The following NCKAP5 variants were observed in gnomAD, a reference collection of about 807,000 sequenced individuals.
The protein encoded by NCKAP5 is nck-associated protein 5.
A neutral mutation model predicts 167.0 loss-of-function variants in NCKAP5; 92 were observed. That is an observed-to-expected ratio of 0.55 (90% CI 0.47 to 0.66). NCKAP5 has a LOEUF of 0.66. Ranked by LOEUF, NCKAP5 falls within the 30% of genes least tolerant of loss-of-function variation. NCKAP5 has a pLI of 0.00. For missense variants in NCKAP5, 2,378 were observed against 2,315.0 expected (o/e 1.03, Z -0.56); for synonymous variants, 891 against 877.4 (o/e 1.02, Z -0.27).
intron 4 of NCKAP5, among the ~76,000 whole-genome samples, chr2:133,216,962 C>T (rs1458273731): frequency 1.3e-5 from 2 of 152,086 alleles, no homozygotes; most frequent in African/African-American, 4.8e-5. Context: ...TAAAAACCAA[C>T]TGGCTCATGT....
intron 5 of NCKAP5, among the ~76,000 whole-genome samples, chr2:133,189,482 A>C (rs1428054584): frequency 6.6e-6 from 1 of 152,192 alleles, no homozygotes; most frequent in African/African-American, 2.4e-5. Context: ...ACACAACAAA[A>C]AAAGAGAATT....
chr2:133,055,466 T>A (rs896838757), intron 6 of NCKAP5, among the ~76,000 whole-genome samples: 1 of 45,170 alleles, frequency 2.2e-5, no homozygotes, highest in African/African-American at 9.3e-5. Context: ...TCAGTTTAGA[T>A]AAACTGTATA....
the NCKAP5 span, among the ~76,000 whole-genome samples, chr2:133,647,018 C>CA: frequency 1.3e-5 from 2 of 150,580 alleles, no homozygotes; most frequent in African/African-American, 2.4e-5. Context: ...TATATCAGTA[C>CA]AAAAAAAATT....
chr2:132,903,928 A>T (rs1693814531), intron 8 of NCKAP5, among the ~76,000 whole-genome samples: 1 of 152,194 alleles, frequency 6.6e-6, no homozygotes, highest in African/African-American at 2.4e-5. Flanking sequence ...GTATATTACA[A>T]TTTATGTATT....
At chr2:133,661,896 C>A in the NCKAP5 span, among the ~76,000 whole-genome samples, 1 of 152,074 alleles carries the variant, frequency 6.6e-6, no homozygotes, top group Non-Finnish European at 1.5e-5. Flanking sequence ...GATACAAAGA[C>A]ATAGAATAGA....
intron 8 of NCKAP5, among the ~76,000 whole-genome samples, chr2:132,957,400 A>G (rs770914658): frequency 6.6e-6 from 1 of 152,206 alleles, no homozygotes; most frequent in Non-Finnish European, 1.5e-5. Context: ...TAGTGGAGCT[A>G]TACATTGGGA....
chr2:132,730,700 G>A (rs565882815), intron 17 of NCKAP5, among the ~76,000 whole-genome samples: 1 of 152,186 alleles, frequency 6.6e-6, no homozygotes, highest in Admixed American at 6.5e-5. Flanking sequence ...GACTATTCAG[G>A]CATGGAGTAC....
intron 3 of NCKAP5, among the ~76,000 whole-genome samples, chr2:133,379,346 C>T (rs997281775): frequency 6.6e-6 from 1 of 152,116 alleles, no homozygotes; most frequent in Admixed American, 6.5e-5. Context: ...CTCGGAGAGA[C>T]AATCATTTTC....
At chr2:133,192,799 G>T (rs1159100852) in intron 5 of NCKAP5, among the ~76,000 whole-genome samples, 1 of 152,080 alleles carries the variant, frequency 6.6e-6, no homozygotes, top group Non-Finnish European at 1.5e-5. Context: ...CTCATACATT[G>T]TTGGTAGGAA....
intron 8 of NCKAP5, among the ~76,000 whole-genome samples, chr2:132,879,848 T>C (rs1691613554): frequency 6.6e-6 from 1 of 152,206 alleles, no homozygotes; most frequent in Non-Finnish European, 1.5e-5. Context: ...AGATCAACAT[T>C]TTAACTTCAT....
intron 19 of NCKAP5, among the ~76,000 whole-genome samples, chr2:132,695,226 G>C (rs1297567116): frequency 1.3e-5 from 2 of 152,030 alleles, no homozygotes; most frequent in Non-Finnish European, 2.9e-5. Flanking sequence ...TAAAGTTGTG[G>C]ATCCATGTCT....
At chr2:132,884,306 A>G (rs1021606705) in intron 8 of NCKAP5, among the ~76,000 whole-genome samples, 1 of 152,124 alleles carries the variant, frequency 6.6e-6, no homozygotes, top group Non-Finnish European at 1.5e-5. Context: ...TCTTCTCTTC[A>G]TTCTTCACCA....
intron 11 of NCKAP5, among the ~76,000 whole-genome samples, chr2:132,804,440 T>C (rs189345574): frequency 6.6e-6 from 1 of 152,336 alleles, no homozygotes; most frequent in African/African-American, 2.4e-5. Flanking sequence ...ACACTGCATT[T>C]TACATTTTTA....
At chr2:133,469,380 G>T (rs953842383) in intron 3 of NCKAP5, among the ~76,000 whole-genome samples, 2 of 152,066 alleles carry the variant, frequency 1.3e-5, no homozygotes, top group Non-Finnish European at 2.9e-5. Context: ...CGAGAGATCC[G>T]CTGTTAGTCT....
At chr2:133,156,705 T>A (rs1487492584) in intron 5 of NCKAP5, among the ~76,000 whole-genome samples, 1 of 152,176 alleles carries the variant, frequency 6.6e-6, no homozygotes, top group Non-Finnish European at 1.5e-5. Context: ...TAATTGGGTA[T>A]TAGCATTCTA....
chr2:133,553,386 C>T (rs1257607456), intron 2 of NCKAP5, among the ~76,000 whole-genome samples: 2 of 152,116 alleles, frequency 1.3e-5, no homozygotes, highest in African/African-American at 2.4e-5. Flanking sequence ...ATTCCTGGGG[C>T]AGGCAGGCAG....
At chr2:133,373,116 A>G (rs1685907783) in intron 3 of NCKAP5, among the ~76,000 whole-genome samples, 1 of 152,128 alleles carries the variant, frequency 6.6e-6, no homozygotes, top group African/African-American at 2.4e-5. Flanking sequence ...CTGGGGTGCA[A>G]TGGCATGATC....
intron 3 of NCKAP5, among the ~76,000 whole-genome samples, chr2:133,309,465 T>C (rs2150603771): frequency 6.6e-6 from 1 of 152,164 alleles, no homozygotes; most frequent in East Asian, 1.9e-4. Context: ...AAAGTTAGGA[T>C]TAAGGGGGCT....
intron 2 of NCKAP5, among the ~76,000 whole-genome samples, chr2:133,541,846 C>T (rs1406490211): frequency 6.6e-6 from 1 of 152,004 alleles, no homozygotes; most frequent in Non-Finnish European, 1.5e-5. Flanking sequence ...ACTAAGTCGC[C>T]ATAAACAATG....
Sources: allele counts gnomAD v4.1 joint callset (sites outside exome capture counted in the v4.1 genomes callset), GRCh38; gene constraint gnomAD v4.1.1; transcripts MANE v1.5; gene names NCBI Gene and HGNC (gene_info 2026-07-23, HGNC 2026-07-21).